The following XRCC4 variants were observed in gnomAD, a reference collection of about 807,000 sequenced individuals.
XRCC4 encodes X-ray repair cross complementing 4, also known as DNA repair protein XRCC4.
XRCC4 carries 28 observed loss-of-function variants against 39.1 expected under a neutral mutation model. The observed-to-expected ratio is 0.72, with a 90% confidence interval of 0.53 to 0.98. The LOEUF is 0.98. Ranked by LOEUF, XRCC4 falls within the 50% of genes least tolerant of loss-of-function variation. XRCC4 has a pLI of 0.00. For synonymous variants in XRCC4, 123 were observed against 126.4 expected, an observed-to-expected ratio of 0.97 and a Z score of 0.18; for missense variants, 350 against 376.4, an observed-to-expected ratio of 0.93 and a Z score of 0.58.
intron 1 of XRCC4, among the ~76,000 whole-genome samples, chr5:83,088,094 C>A (rs1009352534): frequency 7.9e-5 from 12 of 152,024 alleles, no homozygotes; most frequent in African/African-American, 2.9e-4. Flanking sequence ...TCTCTTATAC[C>A]TCTTATTTTT....
intron 7 of XRCC4, among the ~76,000 whole-genome samples, chr5:83,340,661 G>A (rs1756729156): frequency 6.6e-6 from 1 of 150,526 alleles, no homozygotes; most frequent in Admixed American, 6.6e-5. Context: ...CTCCACTAGT[G>A]CCTCCAGAGA....
intron 7 of XRCC4, among the ~76,000 whole-genome samples, chr5:83,274,470 C>A (rs534056464): frequency 2.8e-4 from 43 of 152,092 alleles, no homozygotes; most frequent in African/African-American, 8.7e-4. Context: ...GACTTAGGCA[C>A]AGAGGATAGA....
At chr5:83,348,789 A>C (rs1339615087) in intron 7 of XRCC4, among the ~76,000 whole-genome samples, 1 of 152,234 alleles carries the variant, frequency 6.6e-6, no homozygotes, top group Non-Finnish European at 1.5e-5. Flanking sequence ...AAACTTTAAT[A>C]TTCTGCTTTC....
Position 83,110,956 on chromosome 5 carries a change from A to T in XRCC4, c.140-72A>T, listed in dbSNP as rs1746412941. ...TTACATGTGATAAATTAGTACTAACAGATAAACTAATATTTTCTCATGTGT... is the reference window on the plus strand; with the variant it reads ...TTACATGTGATAAATTAGTACTAACTGATAAACTAATATTTTCTCATGTGT... On this transcript the variant is annotated intron_variant, in intron 2 of 7. Transcript: ENST00000396027. The T allele has an allele frequency of 5.8e-6, 8 of 1,389,438 alleles. No homozygotes were observed. The Admixed American group carries it at 2.1e-4, about 36-fold the overall frequency. 86.1% of individuals were successfully genotyped at this position (1,389,438 alleles called of 1,614,324 possible). A position where few individuals can be genotyped will look rare whatever the true frequency, so the allele number is the denominator to read the frequency against.
At chr5:83,114,940 T>C (rs1242201655) in intron 3 of XRCC4, among the ~76,000 whole-genome samples, 2 of 152,150 alleles carry the variant, frequency 1.3e-5, no homozygotes, top group African/African-American at 2.4e-5. Flanking sequence ...CTCATAATCA[T>C]GGCAGAAAGA....
intron 3 of XRCC4, among the ~76,000 whole-genome samples, chr5:83,180,714 G>A (rs184735052): frequency 2.0e-3 from 301 of 152,118 alleles, no homozygotes; most frequent in Non-Finnish European, 3.7e-3. Context: ...GAAAATATTT[G>A]GCTGGACACC....
At chr5:83,141,592 C>A (rs1580281569) in intron 3 of XRCC4, among the ~76,000 whole-genome samples, 1 of 151,988 alleles carries the variant, frequency 6.6e-6, no homozygotes, top group African/African-American at 2.4e-5. Flanking sequence ...CTCTAAAGGT[C>A]ATTTCTGTGT....
At chr5:83,226,870 G>T (rs1186867357) in intron 6 of XRCC4, among the ~76,000 whole-genome samples, 2 of 151,990 alleles carry the variant, frequency 1.3e-5, no homozygotes, top group Non-Finnish European at 2.9e-5. Context: ...CATTACTCTG[G>T]CTTGGTGTCT....
At chr5:83,187,062 GC>G (rs1488327615) in intron 3 of XRCC4, among the ~76,000 whole-genome samples, 4 of 85,702 alleles carry the variant, frequency 4.7e-5, no homozygotes, top group Admixed American at 3.9e-4. Context: ...TCCTGCCTCA[GC>G]CTCCCGAGTA....
chr5:83,312,421 T>C (rs1755738970), intron 7 of XRCC4, among the ~76,000 whole-genome samples: 1 of 152,194 alleles, frequency 6.6e-6, no homozygotes, highest in African/African-American at 2.4e-5. Flanking sequence ...TTCTAAGCAA[T>C]ATAAATTAAT....
chr5:83,176,686 G>A (rs555647786), intron 3 of XRCC4, among the ~76,000 whole-genome samples: 6 of 150,430 alleles, frequency 4.0e-5, no homozygotes, highest in Admixed American at 3.3e-4. Flanking sequence ...GCAGTGGCAC[G>A]ATCTTGGCTC....
In XRCC4 at chr5:83,340,925, T is replaced by C. The variant is rs374470720; in HGVS notation, c.894-12206T>C. ...CCCATGTGTTTGCCACTTCTCTTGA[T>C]AGCTAAAAGTAGAGTTCTGTTTTCT... is the stretch of plus-strand genomic sequence containing the variant. On this transcript the variant is annotated intron_variant, in intron 7 of 7. Transcript: ENST00000396027. Among the ~76,000 whole-genome samples, 59 of 152,276 alleles carry C rather than the reference T, an allele frequency of 3.9e-4. 1 individual carries two copies. The highest frequency in any genetic ancestry group is 1.3e-3 in the African/African-American group (54 of 41,570).
intron 7 of XRCC4, among the ~76,000 whole-genome samples, chr5:83,278,048 C>T (rs7735197): frequency 0.02 from 3,073 of 152,260 alleles, 89 homozygotes; most frequent in African/African-American, 0.071. Context: ...ATTCAACAAA[C>T]GCTCTTTTAT....
chr5:83,233,482 A>G (rs1307618515), intron 6 of XRCC4, among the ~76,000 whole-genome samples: 1 of 152,060 alleles, frequency 6.6e-6, no homozygotes, highest in African/African-American at 2.4e-5. Flanking sequence ...TCGTTTCCTT[A>G]CTGTTTGCCT....
intron 3 of XRCC4, among the ~76,000 whole-genome samples, chr5:83,154,438 G>A (rs550696174): frequency 6.6e-6 from 1 of 152,220 alleles, no homozygotes; most frequent in African/African-American, 2.4e-5. Flanking sequence ...TGCTAAACTG[G>A]TATAATGCAA....
intron 7 of XRCC4, among the ~76,000 whole-genome samples, chr5:83,308,603 T>G (rs967117161): frequency 2.0e-5 from 3 of 152,162 alleles, no homozygotes; most frequent in Non-Finnish European, 4.4e-5. Context: ...CTCTTTACAT[T>G]CTAAGAACAT....
chr5:83,164,906 A>G (rs1003617007), intron 3 of XRCC4, among the ~76,000 whole-genome samples: 2 of 152,126 alleles, frequency 1.3e-5, no homozygotes, highest in African/African-American at 4.8e-5. Context: ...ACTGTTAGAA[A>G]TATGAACTTG....
At chr5:83,201,637 A>G (rs1751203005) in intron 4 of XRCC4, 1 of 152,382 alleles carries the variant, frequency 6.6e-6, no homozygotes, top group African/African-American at 2.4e-5. Flanking sequence ...AGAGACAGCT[A>G]CACTGAAGAA....
intron 3 of XRCC4, among the ~76,000 whole-genome samples, chr5:83,188,965 G>A (rs1750575610): frequency 1.3e-5 from 2 of 152,148 alleles, no homozygotes; most frequent in African/African-American, 4.8e-5. Flanking sequence ...AATCAAATCT[G>A]TATTTCTTCA....
Sources: gnomAD v4.1 joint callset for allele counts (sites outside exome capture counted in the v4.1 genomes callset) on GRCh38, gnomAD v4.1.1 for gene constraint, MANE v1.5 for transcripts, NCBI Gene and HGNC (gene_info 2026-07-23, HGNC 2026-07-21) for gene names.